RCAN2: variants seen among roughly 807,000 people sequenced by gnomAD.
The protein encoded by RCAN2 is calcipressin-2.
Under a neutral mutation model 23.6 loss-of-function variants are expected in RCAN2, and 9 were observed. That is an observed-to-expected ratio of 0.38 (90% CI 0.23 to 0.67). The LOEUF (loss-of-function observed/expected upper bound fraction) is 0.67, where lower values mean the gene tolerates loss of function less well. Ranked by LOEUF, RCAN2 falls within the 30% of genes least tolerant of loss-of-function variation. RCAN2 has a pLI of 0.51. For missense variants in RCAN2, 273 were observed against 302.3 expected, an observed-to-expected ratio of 0.90 and a Z score of 0.72; for synonymous variants, 109 against 115.7, an observed-to-expected ratio of 0.94 and a Z score of 0.37.
chr6:46,261,475 T>C (rs1767105908), intron 2 of RCAN2, among the ~76,000 whole-genome samples: 1 of 152,194 alleles, frequency 6.6e-6, no homozygotes, highest in South Asian at 2.1e-4. Context: ...AAAAGGTTGC[T>C]GAGCACAGTA....
intron 2 of RCAN2, among the ~76,000 whole-genome samples, chr6:46,324,716 A>T (rs1362747925): frequency 2.6e-5 from 4 of 152,274 alleles, no homozygotes; most frequent in Admixed American, 6.5e-5. Flanking sequence ...ATTACCTATG[A>T]CAAGTCAACA....
intron 1 of RCAN2, among the ~76,000 whole-genome samples, chr6:46,489,855 T>C (rs911213338): frequency 4.1e-4 from 62 of 152,204 alleles, no homozygotes; most frequent in African/African-American, 1.4e-3. Context: ...TTAGACTAAT[T>C]GAACTCAATG....
intron 1 of RCAN2, among the ~76,000 whole-genome samples, chr6:46,490,952 G>A (rs571906654): frequency 1.5e-3 from 234 of 151,680 alleles, no homozygotes; most frequent in African/African-American, 5.4e-3. Flanking sequence ...CCCCACGGCC[G>A]CAGCCGGGAC....
intron 2 of RCAN2, among the ~76,000 whole-genome samples, chr6:46,363,742 T>C (rs1044547246): frequency 6.6e-6 from 1 of 152,114 alleles, no homozygotes; most frequent in Non-Finnish European, 1.5e-5. Flanking sequence ...TATAGAGGTA[T>C]AACTATAAAG....
intron 2 of RCAN2, among the ~76,000 whole-genome samples, chr6:46,292,401 C>T (rs1385509711): frequency 6.7e-6 from 1 of 149,150 alleles, no homozygotes; most frequent in East Asian, 1.9e-4. Context: ...TATCCTTTTG[C>T]CATATTCTTG....
At chr6:46,284,471 G>GA (rs1462655899) in intron 2 of RCAN2, among the ~76,000 whole-genome samples, 27 of 152,272 alleles carry the variant, frequency 1.8e-4, no homozygotes, top group African/African-American at 6.5e-4. Context: ...GTAAAAGGAA[G>GA]AAAAATCACT....
intron 2 of RCAN2, among the ~76,000 whole-genome samples, chr6:46,454,268 T>C (rs576991311): frequency 6.6e-6 from 1 of 152,302 alleles, no homozygotes; most frequent in East Asian, 1.9e-4. Context: ...AGTGATTTTA[T>C]CATAATAGTT....
intron 2 of RCAN2, among the ~76,000 whole-genome samples, chr6:46,444,371 C>T (rs1170564588): frequency 6.6e-6 from 1 of 152,190 alleles, no homozygotes; most frequent in Non-Finnish European, 1.5e-5. Flanking sequence ...CAGTGAGTGT[C>T]AGAGTTTGGC....
chr6:46,346,081 G>T (rs1764473936), intron 2 of RCAN2, among the ~76,000 whole-genome samples: 2 of 151,798 alleles, frequency 1.3e-5, no homozygotes, highest in South Asian at 4.2e-4. Context: ...TGATCACAAA[G>T]GAATTAAATT....
At chr6:46,315,544 G>A (rs1366556204) in intron 2 of RCAN2, among the ~76,000 whole-genome samples, 22 of 152,130 alleles carry the variant, frequency 1.4e-4, no homozygotes, top group Admixed American at 1.4e-3. Context: ...GGCAGGAAGT[G>A]GGGGTTAGAG....
At chr6:46,302,435 A>G (rs1385002722) in intron 2 of RCAN2, among the ~76,000 whole-genome samples, 1 of 152,064 alleles carries the variant, frequency 6.6e-6, no homozygotes, top group African/African-American at 2.4e-5. Context: ...TGCCCAGATC[A>G]CCAGAGTGAC....
At chr6:46,251,969 G>T (rs1766742262) in intron 2 of RCAN2, among the ~76,000 whole-genome samples, 1 of 152,132 alleles carries the variant, frequency 6.6e-6, no homozygotes, top group African/African-American at 2.4e-5. Flanking sequence ...ATCATATGGG[G>T]CTTAAAGTCC....
At chr6:46,278,238 G>A (rs1034827823) in intron 2 of RCAN2, among the ~76,000 whole-genome samples, 1 of 151,990 alleles carries the variant, frequency 6.6e-6, no homozygotes, top group African/African-American at 2.4e-5. Context: ...CTTTAACTTT[G>A]TATTTTGATA....
chr6:46,388,706 C>T (rs1002715614), intron 2 of RCAN2, among the ~76,000 whole-genome samples: 1 of 152,134 alleles, frequency 6.6e-6, no homozygotes, highest in Non-Finnish European at 1.5e-5. Flanking sequence ...GAACAGAACA[C>T]CAAACACTGC....
chr6:46,437,312 T>C (rs769764872), intron 2 of RCAN2, among the ~76,000 whole-genome samples: 2 of 152,202 alleles, frequency 1.3e-5, no homozygotes, highest in Non-Finnish European at 2.9e-5. Context: ...TATAATAACA[T>C]GTGTTTTGGC....
At chr6:46,224,089 G>GA (rs1765567952) in intron 4 of RCAN2, among the ~76,000 whole-genome samples, 1 of 152,154 alleles carries the variant, frequency 6.6e-6, no homozygotes, top group East Asian at 1.9e-4. Context: ...GCACTATGGT[G>GA]GCAATGTATG....
In RCAN2 at chr6:46,305,500, C is replaced by T. The variant is rs75793555; in HGVS notation, c.226-56604G>A. 2.4e-3 allele frequency among the ~76,000 whole-genome samples: 358 copies of T among 152,154 alleles called. 4 individuals are homozygous for T. Among genetic ancestry groups the T allele is most frequent in the African/African-American group, 8.3e-3 (344 of 41,534 alleles). On this transcript the variant is annotated intron_variant, in intron 2 of 4. Transcript: ENST00000371374. ...CTTGTGCTCAAGATTTCATCTCAGACTCTGCTAGACAGTAGGCTAAGATGC... is the reference window on the plus strand; with the variant it reads ...CTTGTGCTCAAGATTTCATCTCAGATTCTGCTAGACAGTAGGCTAAGATGC...
At chr6:46,470,382 T>C (rs1201703870) in intron 1 of RCAN2, among the ~76,000 whole-genome samples, 3 of 152,164 alleles carry the variant, frequency 2.0e-5, no homozygotes, top group Admixed American at 6.5e-5. Context: ...GCCAACAACA[T>C]TGAAGTGCCT....
intron 2 of RCAN2, among the ~76,000 whole-genome samples, chr6:46,416,067 C>T (rs1766707347): frequency 6.6e-6 from 1 of 152,098 alleles, no homozygotes; most frequent in South Asian, 2.1e-4. Flanking sequence ...TCAGTACAGA[C>T]ACAGTATTTT....
Sources: allele counts gnomAD v4.1 joint callset (sites outside exome capture counted in the v4.1 genomes callset), GRCh38; gene constraint gnomAD v4.1.1; transcripts MANE v1.5; gene names NCBI Gene and HGNC (gene_info 2026-07-23, HGNC 2026-07-21).